ABCC4: variants seen among roughly 807,000 people sequenced by gnomAD.
ABCC4 encodes the protein ATP-binding cassette sub-family C member 4.
ABCC4 carries 102 observed loss-of-function variants against 168.5 expected under a neutral mutation model. The observed-to-expected ratio is 0.61, with a 90% CI of 0.52 to 0.71. The LOEUF (loss-of-function observed/expected upper bound fraction) is 0.71, where lower values mean the gene tolerates loss of function less well. Among genes scored for constraint, ABCC4 ranks in the 30% least tolerant of loss-of-function variants. The pLI is 0.00. For synonymous variants in ABCC4, 617 were observed against 590.7 expected (o/e 1.04, Z -0.65); for missense variants, 1,402 against 1,605.8 (o/e 0.87, Z 2.17).
rs141833862 is a variant in ABCC4 at position 95,238,836 on chromosome 13, G to A, written c.307-4002C>T. 1.3e-3 allele frequency among the ~76,000 whole-genome samples: 191 copies of A among 152,302 alleles called. 8 individuals are homozygous for A. The East Asian group carries it at 0.035, about 28-fold the overall frequency. On this transcript the variant is annotated intron_variant, in intron 3 of 30. Transcript: ENST00000645237. Reference sequence around the variant, plus strand: ...CTCCCAAAGTGCTGGGATTACAGGCGTGAGCCACTGTGCCTGACCCTGAAG... The same window carrying A: ...CTCCCAAAGTGCTGGGATTACAGGCATGAGCCACTGTGCCTGACCCTGAAG...
chr13:95,052,581 T>C (rs2032888472), intron 27 of ABCC4, among the ~76,000 whole-genome samples: 1 of 152,254 alleles, frequency 6.6e-6, no homozygotes, highest in Non-Finnish European at 1.5e-5. Flanking sequence ...GGTTCTGTTA[T>C]CTGCATTAAA....
At chr13:95,091,757 C>CA (rs60205363) in intron 20 of ABCC4, among the ~76,000 whole-genome samples, 29,197 of 151,426 alleles carry the variant, frequency 0.19, 2,982 homozygotes, top group Middle Eastern at 0.29. Context: ...CAAAAACAAA[C>CA]AAAAAAAACA....
In ABCC4 at chr13:95,228,908, A is replaced by C. The variant is rs572744251; in HGVS notation, c.531+5702T>G. On this transcript the variant is annotated intron_variant, in intron 4 of 30. Transcript: ENST00000645237. ...GACCCTGTCTCTTTAAAGAAAAAAA[A>C]AGGAAATGGTCAAGAGGAGAGGGTT... 4.6e-4 allele frequency among the ~76,000 whole-genome samples: 70 copies of C among 152,292 alleles called. 2 individuals carry two copies. The South Asian group carries it at 0.015, about 32-fold the overall frequency.
In ABCC4 at chr13:95,098,504, CTATAGAT is replaced by C. The variant is rs1218502883; in HGVS notation, c.2536-15221_2536-15215del. Among the ~76,000 whole-genome samples, 11 of 152,142 alleles carry C rather than the reference CTATAGAT, an allele frequency of 7.2e-5. No individual in the cohort carries two copies. The South Asian group carries it at 1.7e-3, about 23-fold the overall frequency. On this transcript the variant is annotated intron_variant, in intron 20 of 30. Transcript: ENST00000645237. ...GTCGGGAATAAAAGAAGAAATTTCA[CTATAGAT>C]TATAAAGACATTAAATGGACAAATG...
At chr13:95,196,006 A>T (rs1464005918) in intron 8 of ABCC4, among the ~76,000 whole-genome samples, 1 of 152,114 alleles carries the variant, frequency 6.6e-6, no homozygotes. Context: ...GCTTATTGCT[A>T]TTTTCCACAC....
chr13:95,081,956 C>T (rs141107160), intron 21 of ABCC4, among the ~76,000 whole-genome samples: 1,549 of 152,112 alleles, frequency 0.01, 29 homozygotes, highest in African/African-American at 0.033. Flanking sequence ...GCTGAGATTG[C>T]GCCACTGCAC....
chr13:95,116,758 T>C (rs2035392146), intron 19 of ABCC4, among the ~76,000 whole-genome samples: 1 of 152,214 alleles, frequency 6.6e-6, no homozygotes, highest in South Asian at 2.1e-4. Flanking sequence ...TGGTTTCTAA[T>C]AAATATCTAT....
intron 20 of ABCC4, among the ~76,000 whole-genome samples, chr13:95,092,024 C>A (rs950187819): frequency 6.6e-6 from 1 of 151,986 alleles, no homozygotes; most frequent in African/African-American, 2.4e-5. Context: ...TTATATCAGA[C>A]AAAACAAACT....
chr13:95,123,816 G>T (rs1230321404), intron 19 of ABCC4, among the ~76,000 whole-genome samples: 1 of 152,236 alleles, frequency 6.6e-6, no homozygotes, highest in Non-Finnish European at 1.5e-5. Context: ...AATGAGGAAG[G>T]CACAACAGCA....
intron 1 of ABCC4, among the ~76,000 whole-genome samples, chr13:95,290,153 A>AGAT (rs1252620756): frequency 6.7e-6 from 1 of 148,622 alleles, no homozygotes; most frequent in Non-Finnish European, 1.5e-5. Flanking sequence ...GATAGATGAT[A>AGAT]GATAGATAGA....
At chr13:95,264,358 TA>T (rs2040612292) in intron 1 of ABCC4, among the ~76,000 whole-genome samples, 1 of 152,188 alleles carries the variant, frequency 6.6e-6, no homozygotes, top group South Asian at 2.1e-4. Flanking sequence ...GATATTTTCA[TA>T]GCCTCCAATT....
At chr13:95,140,202 C>A (rs192283158) in intron 19 of ABCC4, among the ~76,000 whole-genome samples, 9 of 152,312 alleles carry the variant, frequency 5.9e-5, no homozygotes, top group Admixed American at 3.3e-4. Flanking sequence ...GGTACACCTA[C>A]GGGGCTCTAC....
chr13:95,203,475 G>A (rs147699157), intron 8 of ABCC4, among the ~76,000 whole-genome samples: 14 of 151,816 alleles, frequency 9.2e-5, no homozygotes, highest in South Asian at 2.1e-4. Flanking sequence ...GATTACAGGC[G>A]TGTAGCTCAG....
At chr13:95,291,578 CA>C (rs1261183357) in intron 1 of ABCC4, among the ~76,000 whole-genome samples, 1 of 152,180 alleles carries the variant, frequency 6.6e-6, no homozygotes, top group Non-Finnish European at 1.5e-5. Flanking sequence ...GAACTTTCAA[CA>C]GCAACAATGA....
intron 20 of ABCC4, among the ~76,000 whole-genome samples, chr13:95,114,965 G>T (rs1358985857): frequency 6.6e-6 from 1 of 152,026 alleles, no homozygotes; most frequent in Non-Finnish European, 1.5e-5. Context: ...ATTCTAAGTT[G>T]GCACTTAGAA....
chr13:95,285,326 G>C (rs2138931154), intron 1 of ABCC4, among the ~76,000 whole-genome samples: 1 of 152,160 alleles, frequency 6.6e-6, no homozygotes, highest in East Asian at 1.9e-4. Flanking sequence ...TGAGGCGGGA[G>C]GATCACTTGA....
intron 1 of ABCC4, among the ~76,000 whole-genome samples, chr13:95,280,587 A>C (rs1833418745): frequency 1.3e-5 from 2 of 151,712 alleles, no homozygotes; most frequent in Non-Finnish European, 2.9e-5. Context: ...AAAAAAAAAA[A>C]AAAAAAACCA....
intron 4 of ABCC4, among the ~76,000 whole-genome samples, chr13:95,226,473 C>T (rs1358313299): frequency 6.6e-6 from 1 of 152,160 alleles, no homozygotes; most frequent in African/African-American, 2.4e-5. Flanking sequence ...AAATGGCCAT[C>T]TAATCTACAT....
chr13:95,038,007 G>A (rs535746020), intron 29 of ABCC4, among the ~76,000 whole-genome samples: 1 of 151,950 alleles, frequency 6.6e-6, no homozygotes, highest in Admixed American at 6.6e-5. Flanking sequence ...GGTGCACGCC[G>A]CCAAAGCCTG....
Sources: allele counts gnomAD v4.1 joint callset (sites outside exome capture counted in the v4.1 genomes callset), GRCh38; gene constraint gnomAD v4.1.1; transcripts MANE v1.5; gene names NCBI Gene and HGNC (gene_info 2026-07-23, HGNC 2026-07-21).